Variants in SF3A3 observed in about 807,000 individuals in gnomAD.
SF3A3 encodes splicing factor 3a subunit 3, also known as SAP 61.
In SF3A3, 9 loss-of-function variants were observed where a neutral mutation model predicts 85.8. That is an observed-to-expected ratio of 0.10 (90% confidence interval 0.06 to 0.18). SF3A3 has a LOEUF of 0.18. Among genes scored for constraint, SF3A3 ranks in the 10% least tolerant of loss-of-function variants. The pLI, the probability that SF3A3 is intolerant of heterozygous loss-of-function variation, is 1.00. For synonymous variants in SF3A3, 195 were observed against 204.4 expected, an observed-to-expected ratio of 0.95 and a Z score of 0.39; for missense variants, 306 against 593.3, an observed-to-expected ratio of 0.52 and a Z score of 5.03.
At chr1:37,976,844 G>T in intron 12 of SF3A3, 40 bp downstream of exon 12, 2 of 1,264,582 alleles carry the variant, frequency 1.6e-6, no homozygotes, top group Non-Finnish European at 2.3e-6. Flanking sequence ...TAACTCCTGT[G>T]CTTTATACCA....
intron 7 of SF3A3, 115 bp from the exon 8 acceptor site, chr1:37,980,839 C>CTCT (rs1331215068): frequency 2.3e-5 from 7 of 309,488 alleles, no homozygotes; most frequent in Non-Finnish European, 2.7e-5. Flanking sequence ...CTTTTTAATA[C>CTCT]TCTTTTTTTT....
chr1:37,968,895 C>T (rs1646320229), intron 14 of SF3A3, among the ~76,000 whole-genome samples: 3 of 152,144 alleles, frequency 2.0e-5, no homozygotes, highest in Admixed American at 6.6e-5. Context: ...CAGTATCATC[C>T]GGACAATACC....
chr1:37,963,350 G>A (rs150091008), intron 15 of SF3A3, among the ~76,000 whole-genome samples: 78 of 152,182 alleles, frequency 5.1e-4, no homozygotes, highest in African/African-American at 1.8e-3. Context: ...GGGTTCGGGT[G>A]CAGTAGAAAT....
chr1:37,967,454 C>T (rs1362963050), intron 15 of SF3A3, among the ~76,000 whole-genome samples: 2 of 150,938 alleles, frequency 1.3e-5, no homozygotes, highest in Non-Finnish European at 3.0e-5. Context: ...CCAAGGCGGG[C>T]GGATCATGAG....
chr1:37,986,009 C>T (rs954309555), intron 4 of SF3A3, among the ~76,000 whole-genome samples: 1 of 137,644 alleles, frequency 7.3e-6, no homozygotes, highest in Non-Finnish European at 1.5e-5. Context: ...AGTGCAGTGG[C>T]GTGATCTCAG....
In SF3A3 at chr1:37,984,270, T is replaced by C. The variant is rs368876938; in HGVS notation, c.377-10A>G. On this transcript the variant is annotated splice_polypyrimidine_tract_variant and intron_variant, in intron 5 of 16. Coordinates refer to ENST00000373019, the MANE Select transcript of SF3A3 (RefSeq NM_006802.4). ...GTGAACTCCACCAAGTCTGAGGGAA[T>C]CAGATACATCAATGATTCAGTTTCT... is the stretch of plus-strand genomic sequence containing the variant. 7.5e-6 allele frequency: 11 copies of C among 1,473,396 alleles called. No homozygotes were observed. The highest frequency in any genetic ancestry group is 1.0e-5 in the Non-Finnish European group (11 of 1,055,666). 91.3% of individuals were successfully genotyped at this position (1,473,396 alleles called of 1,614,324 possible).
At chr1:37,987,453 G>A in intron 4 of SF3A3, 120 bp downstream of exon 4, 4 of 729,448 alleles carry the variant, frequency 5.5e-6, no homozygotes, top group Non-Finnish European at 9.5e-6. Flanking sequence ...GGTCCTTGCA[G>A]CTAAATGGCA....
At chr1:37,966,462 T>A (rs772884801) in intron 15 of SF3A3, among the ~76,000 whole-genome samples, 1 of 152,150 alleles carries the variant, frequency 6.6e-6, no homozygotes, top group Non-Finnish European at 1.5e-5. Flanking sequence ...TTTTCCTTTA[T>A]ATCAGTCATT....
At position 37,969,363 on chromosome 1, in the gene SF3A3, T is replaced by A. The variant is rs1646323491; in HGVS notation, c.1272A>T (p.Arg424=). 11 of 1,609,160 alleles carry A rather than the reference T, an allele frequency of 6.8e-6. No individual in the cohort carries two copies. The highest frequency in any genetic ancestry group is 7.6e-6 in the Non-Finnish European group (9 of 1,177,304). The stretch of plus-strand genomic sequence containing the variant: ...GCTCTGAATTCCTTACAGCAAAGTG[T>A]CGCTGGAAGGCTTTGGGCCCTCGGT... ...YTYRGPKAFQ[R]HFAEWRHAHG... Residue 424 remains arginine (R), a synonymous_variant, in exon 14 of 17, where the codon CGA becomes CGT. Coordinates refer to ENST00000373019, the MANE Select transcript of SF3A3 (RefSeq NM_006802.4).
At chr1:37,965,964 G>A (rs1646296987) in intron 15 of SF3A3, among the ~76,000 whole-genome samples, 1 of 152,164 alleles carries the variant, frequency 6.6e-6, no homozygotes, top group Admixed American at 6.5e-5. Context: ...ACTTTGGGAA[G>A]CCAAGGCAGG....
Position 37,982,664 on chromosome 1 carries a change from G to A in SF3A3, c.469-853C>T, listed in dbSNP as rs563349905. Reference sequence around the variant, plus strand: ...TGGGGTTACAGGCGTGAGCCACCGCGCCCGGCCTGTGATAAGCTATTTTTA... The same window carrying A: ...TGGGGTTACAGGCGTGAGCCACCGCACCCGGCCTGTGATAAGCTATTTTTA... On this transcript the variant is annotated intron_variant, in intron 6 of 16. Transcript: ENST00000373019. Among the ~76,000 whole-genome samples the A allele has an allele frequency of 1.3e-3, 203 of 152,214 alleles. 5 individuals are homozygous for A. The South Asian group carries it at 0.02, about 15-fold the overall frequency.
In SF3A3 at chr1:37,980,603, T is replaced by C. The variant is rs1340923023; in HGVS notation, c.673A>G (p.Thr225Ala). The C allele has an allele frequency of 2.5e-6, 4 of 1,613,878 alleles. No homozygotes were observed. In the East Asian group the frequency reaches 8.9e-5, roughly 36 times the overall value. The change falls in exon 8 of 17, where the codon ACC (threonine) becomes GCC (alanine). Residue 225 changes from threonine (T) to alanine (A), a missense_variant. Thr to Ala is a moderately conservative substitution (Grantham distance 58). Transcript: ENST00000373019. ...AEFEKKWENG[T>A]FPGWPKETSS... ...AAGCTCACCGGCCATCCAGGAAAGGTCCCATTCTCCCATTTCTTCTCAAAC... is the reference window on the plus strand; with the variant it reads ...AAGCTCACCGGCCATCCAGGAAAGGCCCCATTCTCCCATTTCTTCTCAAAC...
chr1:37,979,360 A>G (rs1646401464), intron 9 of SF3A3, 105 bp downstream of exon 9: 1 of 875,800 alleles, frequency 1.1e-6, no homozygotes, highest in Admixed American at 2.6e-5. Flanking sequence ...ATCTCAAGAA[A>G]TAGTGCCTTA....
intron 12 of SF3A3, among the ~76,000 whole-genome samples, chr1:37,974,056 G>A (rs958119472): frequency 1.3e-5 from 2 of 151,978 alleles, no homozygotes; most frequent in Non-Finnish European, 2.9e-5. Context: ...ACAGGGTGGG[G>A]AACATCACAC....
chr1:37,980,828 T>C (rs888536684), intron 7 of SF3A3, 104 bp from the exon 8 acceptor site: 3 of 633,928 alleles, frequency 4.7e-6, no homozygotes, highest in Admixed American at 3.4e-5. Flanking sequence ...AGTAATGCTA[T>C]CTTTTTAATA....
chr1:37,972,064 A>AAC (rs1646348340), intron 12 of SF3A3, among the ~76,000 whole-genome samples: 1 of 152,164 alleles, frequency 6.6e-6, no homozygotes, highest in Non-Finnish European at 1.5e-5. Flanking sequence ...AGGAAGTCAA[A>AAC]TTGTCCCTGT....
chr1:37,977,207 CATCATTATA>C (rs1646384862), intron 11 of SF3A3, among the ~76,000 whole-genome samples: 1 of 152,264 alleles, frequency 6.6e-6, no homozygotes, highest in South Asian at 2.1e-4. Context: ...CTTACATTTC[CATCATTATA>C]ATCTACAAAG....
At chr1:37,972,456 C>T (rs1646350700) in intron 12 of SF3A3, among the ~76,000 whole-genome samples, 1 of 152,132 alleles carries the variant, frequency 6.6e-6, no homozygotes, top group Non-Finnish European at 1.5e-5. Flanking sequence ...GACTCAATGC[C>T]ATCCCCATCA....
At chr1:37,980,774 G>C in intron 7 of SF3A3, 50 bp from the exon 8 acceptor site, 3 of 1,481,406 alleles carry the variant, frequency 2.0e-6, no homozygotes, top group Non-Finnish European at 2.7e-6. Context: ...TTCTATTTTT[G>C]GTATCTTGTT....
Sources: allele counts gnomAD v4.1 joint callset (sites outside exome capture counted in the v4.1 genomes callset), GRCh38; gene constraint gnomAD v4.1.1; transcripts MANE v1.5; gene names NCBI Gene and HGNC (gene_info 2026-07-23, HGNC 2026-07-21).